ANO4: variants seen among roughly 807,000 people sequenced by gnomAD.
ANO4 encodes the protein anoctamin-4.
ANO4 carries 69 observed loss-of-function variants against 141.9 expected under a neutral mutation model. That is an observed-to-expected ratio of 0.49 (90% CI 0.40 to 0.59). The LOEUF (loss-of-function observed/expected upper bound fraction) is 0.59. Among genes scored for constraint, ANO4 ranks in the 20% least tolerant of loss-of-function variants. ANO4 has a pLI of 0.00. For synonymous variants in ANO4, 350 were observed against 394.3 expected (o/e 0.89, Z 1.33); for missense variants, 894 against 1,162.2 (o/e 0.77, Z 3.36).
intron 8 of ANO4, among the ~76,000 whole-genome samples, chr12:101,000,516 A>G (rs569524906): frequency 6.6e-6 from 1 of 152,290 alleles, no homozygotes; most frequent in South Asian, 2.1e-4. Context: ...TTTACGTAGG[A>G]TTAAGGTTCT....
At chr12:100,725,498 C>T (rs1293426468) in intron 1 of ANO4, among the ~76,000 whole-genome samples, 3 of 152,072 alleles carry the variant, frequency 2.0e-5, no homozygotes, top group Admixed American at 6.5e-5. Flanking sequence ...AGGCGCCCAC[C>T]ACCACGCCCG....
rs537667286 is a variant in ANO4 at position 100,744,566 on chromosome 12, G to A, written c.358+4461G>A. Among the ~76,000 whole-genome samples, 272 of 152,156 alleles carry A rather than the reference G, an allele frequency of 1.8e-3. 2 individuals are homozygous for A. Among genetic ancestry groups the A allele is most frequent in the African/African-American group, 5.5e-3 (229 of 41,522 alleles). ...AGTCCCTACCTTCAAATGCCATCAC[G>A]CTGGAATTAGGATTCCAACATATGA... On this transcript the variant is annotated intron_variant, in intron 3 of 29. Transcript: ENST00000644049.
At chr12:100,921,946 G>T (rs1200327455) in intron 2 of ANO4, among the ~76,000 whole-genome samples, 1 of 152,006 alleles carries the variant, frequency 6.6e-6, no homozygotes, top group Non-Finnish European at 1.5e-5. Flanking sequence ...TTTTACGTAG[G>T]GAATTATCAG....
intron 14 of ANO4, among the ~76,000 whole-genome samples, chr12:101,063,871 A>G (rs2048463647): frequency 6.9e-6 from 1 of 145,800 alleles, no homozygotes; most frequent in Non-Finnish European, 1.5e-5. Flanking sequence ...ATGTGTTATG[A>G]TATCATATTG....
intron 9 of ANO4, among the ~76,000 whole-genome samples, chr12:101,028,943 C>A (rs888301155): frequency 4.6e-5 from 7 of 152,138 alleles, no homozygotes; most frequent in African/African-American, 1.7e-4. Context: ...AAGGTCAGGT[C>A]ACCTGCAAAG....
At chr12:100,776,029 T>C (rs2033490683) in intron 3 of ANO4, among the ~76,000 whole-genome samples, 1 of 152,184 alleles carries the variant, frequency 6.6e-6, no homozygotes, top group African/African-American at 2.4e-5. Flanking sequence ...AGTTAATACT[T>C]AGTGAGTGCT....
upstream of ANO4, among the ~76,000 whole-genome samples, chr12:100,793,438 C>T (rs2034128158): frequency 5.3e-5 from 8 of 152,088 alleles, no homozygotes; most frequent in Admixed American, 5.2e-4. Flanking sequence ...TCCTTTTAAG[C>T]TGTGGTATTC....
intron 23 of ANO4, among the ~76,000 whole-genome samples, chr12:101,111,030 G>C (rs151280047): frequency 0.018 from 2,716 of 152,350 alleles, 54 homozygotes; most frequent in Middle Eastern, 0.044. Context: ...ATCAAAGACT[G>C]TCTTTTATTC....
In ANO4 at chr12:101,068,611, C is replaced by A. The variant is rs2048689420; in HGVS notation, c.1313-10582C>A. ...GTGTGGTGAAAGTGCTGATGCAGTC[C>A]TTTTTACTGGAGTTAAGGAGGTAGA... On this transcript the variant is annotated intron_variant, in intron 14 of 27. Transcript: ENST00000392977. The A allele has an allele frequency of 4.9e-6, 7 of 1,417,914 alleles. No individual in the cohort carries two copies. The Admixed American group carries it at 6.7e-5, about 14-fold the overall frequency. The allele number at this position is 1,417,914 out of a possible 1,614,324, so 87.8% of individuals were successfully genotyped here. A position where few individuals can be genotyped will look rare whatever the true frequency, so the allele number is the denominator to read the frequency against.
At chr12:100,722,535 C>G (rs990761598) in intron 1 of ANO4, among the ~76,000 whole-genome samples, 8 of 152,180 alleles carry the variant, frequency 5.3e-5, no homozygotes, top group African/African-American at 1.9e-4. Context: ...ACAAGGCCCC[C>G]TCTCTTTTCC....
chr12:100,796,036 ATTTT>A (rs34968573), intron 1 of ANO4, among the ~76,000 whole-genome samples: 2 of 141,574 alleles, frequency 1.4e-5, no homozygotes, highest in African/African-American at 2.6e-5. Flanking sequence ...CTTAACAGGG[ATTTT>A]TTTTTTTTTT....
rs201377254 is a variant in ANO4 at position 100,765,367 on chromosome 12, T to TTTTC, written c.358+25274_358+25277dup. On this transcript the variant is annotated intron_variant, in intron 3 of 29. Transcript: ENST00000644049. The stretch of plus-strand genomic sequence containing the variant: ...TAATGATTTGTCAGTTCTGTTTATA[T>TTTTC]TTTCTTTCTTTCTTTTTTTTTTTTT... Among the ~76,000 whole-genome samples the TTTTC allele has an allele frequency of 3.0e-3, 423 of 141,336 alleles. 4 individuals carry two copies. The highest frequency in any genetic ancestry group is 0.011 in the African/African-American group (400 of 35,818). The allele number at this position is 141,336 out of a possible 152,430, so 92.7% of individuals were successfully genotyped here.
rs371887515 is a variant in ANO4 at position 100,980,881 on chromosome 12, T to G, written c.602+5992T>G. On this transcript the variant is annotated intron_variant, in intron 7 of 27. Coordinates refer to ENST00000392977, the MANE Select transcript of ANO4 (RefSeq NM_001286615.2). ...CAATAAAAAGGAGGAATTTATCATCTTTTGGCTGCCCTTTTTTTTTGCCTT... is the reference window on the plus strand; with the variant it reads ...CAATAAAAAGGAGGAATTTATCATCGTTTGGCTGCCCTTTTTTTTTGCCTT... Among the ~76,000 whole-genome samples the G allele has an allele frequency of 1.6e-4, 24 of 152,224 alleles. No individual in the cohort carries two copies. The East Asian group carries it at 4.4e-3, about 28-fold the overall frequency.
At chr12:101,110,661 A>G (rs2050628294) in intron 23 of ANO4, 105 bp downstream of exon 23, 7 of 1,029,476 alleles carry the variant, frequency 6.8e-6, no homozygotes, top group Non-Finnish European at 9.1e-6. Flanking sequence ...TCCATTTAAT[A>G]TAATTCACCT....
chr12:100,998,179 A>T (rs2045473810), intron 8 of ANO4, among the ~76,000 whole-genome samples: 1 of 152,198 alleles, frequency 6.6e-6, no homozygotes, highest in Non-Finnish European at 1.5e-5. Flanking sequence ...TAAAGCAGGC[A>T]GAAAAAACGT....
intron 7 of ANO4, among the ~76,000 whole-genome samples, chr12:100,980,036 G>A (rs561940764): frequency 6.9e-4 from 105 of 152,000 alleles, no homozygotes; most frequent in African/African-American, 2.0e-3. Context: ...CACCACGCCC[G>A]GCCGAGAAAT....
At chr12:100,873,143 T>G (rs890704367) in intron 1 of ANO4, among the ~76,000 whole-genome samples, 4 of 152,232 alleles carry the variant, frequency 2.6e-5, no homozygotes, top group Admixed American at 2.0e-4. Context: ...CAATTAAACC[T>G]TTTTTCTTTA....
intron 17 of ANO4, among the ~76,000 whole-genome samples, chr12:101,093,367 T>C (rs1945821197): frequency 1.3e-5 from 2 of 152,176 alleles, no homozygotes; most frequent in Admixed American, 1.3e-4. Flanking sequence ...GATAAGGAAC[T>C]TGCCAAAGTC....
chr12:101,012,656 T>C (rs1388367079), intron 8 of ANO4, among the ~76,000 whole-genome samples: 1 of 151,950 alleles, frequency 6.6e-6, no homozygotes, highest in African/African-American at 2.4e-5. Context: ...GGTGAAGTCA[T>C]TGAAGAGTTT....
Sources: gnomAD v4.1 joint callset for allele counts (sites outside exome capture counted in the v4.1 genomes callset) on GRCh38, gnomAD v4.1.1 for gene constraint, MANE v1.5 for transcripts, NCBI Gene and HGNC (gene_info 2026-07-23, HGNC 2026-07-21) for gene names.